Variants in UNC13C observed in about 807,000 individuals in gnomAD.
UNC13C encodes unc-13 homolog C.
In UNC13C, 174 loss-of-function variants were observed where a neutral mutation model predicts 245.4. The observed-to-expected ratio is 0.71, with a 90% confidence interval of 0.63 to 0.80. UNC13C has a LOEUF of 0.80. Among genes scored for constraint, UNC13C ranks in the 30% least tolerant of loss-of-function variants. UNC13C has a pLI of 0.00. For synonymous variants in UNC13C, 992 were observed against 895.1 expected, an observed-to-expected ratio of 1.11 and a Z score of -1.93; for missense variants, 2,829 against 2,602.9, an observed-to-expected ratio of 1.09 and a Z score of -1.89.
At chr15:54,464,003 G>T (rs1165775306) in intron 19 of UNC13C, among the ~76,000 whole-genome samples, 1 of 152,140 alleles carries the variant, frequency 6.6e-6, no homozygotes, top group African/African-American at 2.4e-5. Context: ...ATGATAACAG[G>T]AATGATGGTG....
At chr15:54,292,105 T>C (rs1209807956) in intron 10 of UNC13C, among the ~76,000 whole-genome samples, 1 of 151,974 alleles carries the variant, frequency 6.6e-6, no homozygotes, top group Non-Finnish European at 1.5e-5. Context: ...TTTTTCAAAA[T>C]GGAAAGGAAG....
chr15:54,515,433 G>A (rs1300502253), intron 24 of UNC13C, among the ~76,000 whole-genome samples: 1 of 151,940 alleles, frequency 6.6e-6, no homozygotes, highest in Admixed American at 6.6e-5. Flanking sequence ...TCTATCAATT[G>A]CAAATAATTA....
intron 4 of UNC13C, among the ~76,000 whole-genome samples, chr15:54,149,556 A>G (rs1239872964): frequency 6.6e-6 from 1 of 152,190 alleles, no homozygotes; most frequent in Admixed American, 6.5e-5. Flanking sequence ...TTACTTAGGC[A>G]ATTGCAAACT....
chr15:54,429,961 G>A (rs2040839569), intron 19 of UNC13C, among the ~76,000 whole-genome samples: 1 of 151,534 alleles, frequency 6.6e-6, no homozygotes, highest in Admixed American at 6.6e-5. Flanking sequence ...ACATCAAAAT[G>A]CACACTTGTA....
intron 2 of UNC13C, among the ~76,000 whole-genome samples, chr15:54,127,893 T>A (rs532969190): frequency 6.5e-4 from 98 of 151,278 alleles, no homozygotes; most frequent in Non-Finnish European, 1.2e-3. Context: ...TCACTCCTGT[T>A]CAACATGTAC....
At chr15:54,473,671 T>A (rs1892578926) in intron 19 of UNC13C, among the ~76,000 whole-genome samples, 1 of 151,982 alleles carries the variant, frequency 6.6e-6, no homozygotes. Flanking sequence ...ATTTCCTTCC[T>A]TTTTACAGCT....
At chr15:53,870,242 C>T in the UNC13C span, among the ~76,000 whole-genome samples, 3 of 152,090 alleles carry the variant, frequency 2.0e-5, no homozygotes, top group Non-Finnish European at 4.4e-5. Flanking sequence ...CAAGTCTCAC[C>T]CAACAGAAAT....
Position 54,293,948 on chromosome 15 carries a change from A to G in UNC13C, c.3872A>G (p.Asp1291Gly), listed in dbSNP as rs2037366259. 2.5e-6 allele frequency: 4 copies of G among 1,590,160 alleles called. No homozygotes were observed. The Middle Eastern group carries it at 5.0e-4, about 199-fold the overall frequency. ...AAAGTCAGAGTATGGGATGAAGATGATGATATTAAATCCAGAGTCAAGCAA... is the reference window on the plus strand; with the variant it reads ...AAAGTCAGAGTATGGGATGAAGATGGTGATATTAAATCCAGAGTCAAGCAA... ...RIKVRVWDED[D>G]DIKSRVKQHF... Residue 1291 changes from aspartate (D) to glycine (G), a missense_variant, in exon 11 of 33, where the codon GAT becomes GGT. By Grantham distance (94) the Asp-to-Gly change is moderately conservative. Coordinates refer to ENST00000260323, the MANE Select transcript of UNC13C (RefSeq NM_001080534.3).
chr15:54,529,436 A>C (rs137894295), intron 25 of UNC13C, among the ~76,000 whole-genome samples: 345 of 152,324 alleles, frequency 2.3e-3, no homozygotes, highest in African/African-American at 8.0e-3. Flanking sequence ...CAAGATGTCA[A>C]CTAAAATATT....
Position 54,549,654 on chromosome 15 carries a change from T to A in UNC13C, c.5840T>A (p.Ile1947Asn). The change falls in exon 28 of 33, where the codon ATT (isoleucine) becomes AAT (asparagine). Residue 1947 changes from isoleucine (I) to asparagine (N), a missense_variant. By Grantham distance (149) the Ile-to-Asn change is moderately radical. Transcript: ENST00000260323. ...TDQTGPQMIF[I>N]AAKDLGQLSK... ...TTCTAGGGACCCCAGATGATTTTCA[T>A]TGCAGCTAAAGATCTTGGACAATTA... 1 of 1,605,308 alleles carries A rather than the reference T, an allele frequency of 6.2e-7. No individual in the cohort carries two copies. Among genetic ancestry groups the A allele is most frequent in the Non-Finnish European group, 8.5e-7 (1 of 1,176,120 alleles).
the UNC13C span, among the ~76,000 whole-genome samples, chr15:53,968,396 C>T: frequency 3.9e-5 from 6 of 152,198 alleles, no homozygotes; most frequent in Non-Finnish European, 8.8e-5. Flanking sequence ...GAGTAAGATA[C>T]TATTAAGAAC....
chr15:54,119,241 C>A (rs1363785247), intron 2 of UNC13C, among the ~76,000 whole-genome samples: 1 of 152,012 alleles, frequency 6.6e-6, no homozygotes, highest in Non-Finnish European at 1.5e-5. Flanking sequence ...CTGTGGCAAT[C>A]CTGCATTGAG....
chr15:53,912,595 G>A, the UNC13C span: 1 of 90,590 alleles, frequency 1.1e-5, no homozygotes, highest in South Asian at 2.9e-4. Context: ...AATATATTCT[G>A]GGGGTGGACA....
chr15:53,993,303 G>T (rs1894472680), intron 1 of UNC13C, among the ~76,000 whole-genome samples: 1 of 152,148 alleles, frequency 6.6e-6, no homozygotes, highest in East Asian at 1.9e-4. Flanking sequence ...TTAAAGCAAG[G>T]GGTTCAAGCA....
chr15:54,564,819 A>G (rs75088765), intron 29 of UNC13C, among the ~76,000 whole-genome samples: 7,874 of 152,110 alleles, frequency 0.052, 683 homozygotes, highest in African/African-American at 0.18. Flanking sequence ...GTGCAGTGTC[A>G]TCTCTTAACT....
At chr15:54,202,472 C>T (rs1036478368) in intron 4 of UNC13C, among the ~76,000 whole-genome samples, 1 of 151,736 alleles carries the variant, frequency 6.6e-6, no homozygotes, top group African/African-American at 2.4e-5. Flanking sequence ...AAAATTGGCA[C>T]TAGACCAATG....
intron 17 of UNC13C, among the ~76,000 whole-genome samples, chr15:54,357,653 CAT>C (rs971739232): frequency 1.7e-3 from 257 of 151,952 alleles, no homozygotes; most frequent in African/African-American, 5.9e-3. Context: ...TAAAATTAGA[CAT>C]ATTAGGAGGT....
chr15:53,993,885 T>C (rs1419873006), intron 1 of UNC13C, among the ~76,000 whole-genome samples: 1 of 152,016 alleles, frequency 6.6e-6, no homozygotes, highest in Non-Finnish European at 1.5e-5. Context: ...ACAGGTATAA[T>C]TGGGGCCCTA....
At chr15:53,938,806 ATG>A in the UNC13C span, among the ~76,000 whole-genome samples, 1 of 152,162 alleles carries the variant, frequency 6.6e-6, no homozygotes, top group African/African-American at 2.4e-5. Context: ...GTTTGTACTA[ATG>A]AGAGCAAAGA....
Sources: gnomAD v4.1 joint callset for allele counts (sites outside exome capture counted in the v4.1 genomes callset) on GRCh38, gnomAD v4.1.1 for gene constraint, MANE v1.5 for transcripts, NCBI Gene and HGNC (gene_info 2026-07-23, HGNC 2026-07-21) for gene names.